TFPI: variants seen among roughly 807,000 people sequenced by gnomAD.
TFPI encodes the protein anti-convertin.
Under a neutral mutation model 34.6 loss-of-function variants are expected in TFPI, and 15 were observed. That is an observed-to-expected ratio of 0.43 (90% CI 0.29 to 0.67). The LOEUF (loss-of-function observed/expected upper bound fraction) is 0.67. Among genes scored for constraint, TFPI ranks in the 30% least tolerant of loss-of-function variants. The pLI, the probability that TFPI is intolerant of heterozygous loss-of-function variation, is 0.15. For synonymous variants in TFPI, 105 were observed against 120.1 expected (o/e 0.87, Z 0.82); for missense variants, 301 against 364.0 (o/e 0.83, Z 1.41).
chr2:187,537,074 G>A (rs1171262026), intron 1 of TFPI, among the ~76,000 whole-genome samples: 2 of 152,042 alleles, frequency 1.3e-5, no homozygotes, highest in African/African-American at 4.8e-5. Flanking sequence ...CACTGCTCAA[G>A]GAAATAAGAG....
intron 3 of TFPI, among the ~76,000 whole-genome samples, chr2:187,489,213 A>G (rs1684932646): frequency 6.6e-6 from 1 of 151,458 alleles, no homozygotes; most frequent in Admixed American, 6.6e-5. Flanking sequence ...AGAATGAGAG[A>G]AATAATATGA....
chr2:187,477,643 G>C (rs1038390630), intron 6 of TFPI, among the ~76,000 whole-genome samples: 1 of 152,140 alleles, frequency 6.6e-6, no homozygotes, highest in Non-Finnish European at 1.5e-5. Flanking sequence ...ATAACAAGGA[G>C]ATAATAACAA....
rs565073128 is a variant in TFPI at position 187,486,538 on chromosome 2, A to G, written c.359-1551T>C. 2.8e-4 allele frequency among the ~76,000 whole-genome samples: 43 copies of G among 151,804 alleles called. No homozygotes were observed. The South Asian group carries it at 7.5e-3, about 26-fold the overall frequency. On this transcript the variant is annotated intron_variant, in intron 4 of 7. Coordinates refer to ENST00000233156, the MANE Select transcript of TFPI (RefSeq NM_006287.6). ...AACCACAACAAACAATAAACTGTAC[A>G]ACTGAAAGTTGTTATTTTTCATATG...
intron 1 of TFPI, among the ~76,000 whole-genome samples, chr2:187,510,925 G>T (rs1686581697): frequency 6.6e-6 from 1 of 152,182 alleles, no homozygotes; most frequent in Non-Finnish European, 1.5e-5. Context: ...TGTCTGAGGA[G>T]TTTTGTCTGT....
intron 6 of TFPI, among the ~76,000 whole-genome samples, chr2:187,472,805 A>C (rs1355574147): frequency 6.6e-6 from 1 of 152,192 alleles, no homozygotes; most frequent in Non-Finnish European, 1.5e-5. Context: ...TGAGGTCCAG[A>C]GTTTGAGACC....
intron 3 of TFPI, among the ~76,000 whole-genome samples, chr2:187,492,435 A>G (rs1018627322): frequency 6.6e-6 from 1 of 152,186 alleles, no homozygotes; most frequent in African/African-American, 2.4e-5. Context: ...TCTGCATATG[A>G]TTATCCAATT....
At chr2:187,488,171 T>C (rs1173775489) in intron 4 of TFPI, among the ~76,000 whole-genome samples, 166 bp downstream of exon 4, 1 of 151,496 alleles carries the variant, frequency 6.6e-6, no homozygotes, top group African/African-American at 2.4e-5. Flanking sequence ...GGGTTTATGA[T>C]CAATCTCTTT....
chr2:187,534,604 A>G (rs921926546), intron 1 of TFPI, among the ~76,000 whole-genome samples: 1 of 152,220 alleles, frequency 6.6e-6, no homozygotes, highest in Admixed American at 6.5e-5. Flanking sequence ...GGTACCAGCC[A>G]CTGCAAAAAC....
intron 1 of TFPI, among the ~76,000 whole-genome samples, chr2:187,534,006 A>T (rs997121697): frequency 8.5e-5 from 13 of 152,178 alleles, no homozygotes; most frequent in Non-Finnish European, 1.6e-4. Flanking sequence ...GCATGAAGAC[A>T]AGATTAGAGA....
At chr2:187,535,537 G>T (rs2106275597) in intron 1 of TFPI, among the ~76,000 whole-genome samples, 1 of 152,338 alleles carries the variant, frequency 6.6e-6, no homozygotes, top group East Asian at 1.9e-4. Context: ...TGAAACCAAT[G>T]AGAATAAAGA....
intron 6 of TFPI, chr2:187,478,589 T>C: frequency 6.7e-7 from 1 of 1,484,454 alleles, no homozygotes; most frequent in Non-Finnish European, 9.0e-7. Flanking sequence ...TTACTATGCA[T>C]GTAAATATTA....
At chr2:187,487,086 TA>T (rs1693327616) in intron 4 of TFPI, among the ~76,000 whole-genome samples, 1 of 151,608 alleles carries the variant, frequency 6.6e-6, no homozygotes, top group Non-Finnish European at 1.5e-5. Flanking sequence ...CTTTATAGCA[TA>T]ATTTTACCTA....
At chr2:187,499,466 A>G (rs1685706831) in intron 2 of TFPI, 1 of 152,050 alleles carries the variant, frequency 6.6e-6, no homozygotes, top group Non-Finnish European at 1.5e-5. Context: ...ATTTATGAAT[A>G]ATTGTAAATG....
chr2:187,480,595 C>T (rs8176526), intron 6 of TFPI, among the ~76,000 whole-genome samples: 31,764 of 151,978 alleles, frequency 0.21, 4,154 homozygotes, highest in Middle Eastern at 0.32. Flanking sequence ...TCAAGAAGAA[C>T]CAGTTGTGAT....
intron 1 of TFPI, chr2:187,519,009 T>A (rs1219553221): frequency 2.6e-5 from 4 of 152,230 alleles, no homozygotes; most frequent in Non-Finnish European, 4.4e-5. Context: ...ATTTATGTTC[T>A]TCTCTAAACT....
At chr2:187,469,696 T>C (rs1291694544) in intron 6 of TFPI, among the ~76,000 whole-genome samples, 1 of 152,162 alleles carries the variant, frequency 6.6e-6, no homozygotes, top group Non-Finnish European at 1.5e-5. Context: ...ATTAGATCTC[T>C]AGGCTTATTT....
rs1019047898 is a variant in TFPI at position 187,466,697 on chromosome 2, A to T, written c.*239T>A. 1.8e-5 allele frequency: 5 copies of T among 278,878 alleles called. No homozygotes were observed. Among genetic ancestry groups the T allele is most frequent in the South Asian group, 1.7e-4 (4 of 23,402 alleles). The allele number at this position is 278,878 out of a possible 1,614,324, so 17.3% of individuals were successfully genotyped here. On this transcript the variant is annotated 3_prime_UTR_variant, in exon 8 of 8. Coordinates refer to ENST00000233156, the MANE Select transcript of TFPI (RefSeq NM_006287.6). ...TTTGTAGTTAAATGAAAATACAGAT[A>T]GATCCAGAAAATAAGTAATTTCCCA...
intron 6 of TFPI, among the ~76,000 whole-genome samples, chr2:187,470,521 G>C (rs533879095): frequency 6.6e-6 from 1 of 152,164 alleles, no homozygotes; most frequent in Non-Finnish European, 1.5e-5. Context: ...GTGAATCCTA[G>C]AACCATTTGG....
At position 187,472,665 on chromosome 2, in the gene TFPI, C is replaced by G. The variant is rs191425364; in HGVS notation, c.629-4733G>C. 1.2e-4 allele frequency among the ~76,000 whole-genome samples: 18 copies of G among 152,228 alleles called. No homozygotes were observed. In the East Asian group the frequency reaches 2.9e-3, roughly 24 times the overall value. On this transcript the variant is annotated intron_variant, in intron 6 of 7. Coordinates refer to ENST00000233156, the MANE Select transcript of TFPI (RefSeq NM_006287.6). ...ATATGAAATATCATTTATATGAAAT[C>G]CAAATGTCATTAATTTGAAGATGCA...
Sources: gnomAD v4.1 joint callset for allele counts (sites outside exome capture counted in the v4.1 genomes callset) on GRCh38, gnomAD v4.1.1 for gene constraint, MANE v1.5 for transcripts, NCBI Gene and HGNC (gene_info 2026-07-23, HGNC 2026-07-21) for gene names.